PSMG2: variants seen among roughly 807,000 people sequenced by gnomAD.
The protein encoded by PSMG2 is CD40 ligand-activated specific transcript 3.
Under a neutral mutation model 31.5 loss-of-function variants are expected in PSMG2, and 21 were observed. The ratio of observed to expected loss-of-function variants is 0.67; its 90% confidence interval spans 0.47 to 0.96. The LOEUF (loss-of-function observed/expected upper bound fraction) is 0.96, where lower values mean the gene tolerates loss of function less well. PSMG2 is among the 40% of genes least tolerant of loss of function. The pLI, the probability that PSMG2 is intolerant of heterozygous loss-of-function variation, is 0.00. For synonymous variants in PSMG2, 120 were observed against 110.4 expected, an observed-to-expected ratio of 1.09 and a Z score of -0.54; for missense variants, 318 against 321.2, an observed-to-expected ratio of 0.99 and a Z score of 0.08.
chr18:12,706,753 T>C, intron 2 of PSMG2, 32 bp downstream of exon 2: 2 of 1,552,596 alleles, frequency 1.3e-6, no homozygotes, highest in Non-Finnish European at 1.7e-6. Flanking sequence ...ATTTTTCCAC[T>C]ACAAAGTAGA....
upstream of PSMG2, chr18:12,702,968 G>A: frequency 1.1e-6 from 1 of 934,872 alleles, no homozygotes; most frequent in Non-Finnish European, 1.5e-6. Context: ...AGCTGGACGG[G>A]CCTCAAGGGC....
In PSMG2 at chr18:12,719,886, G is replaced by A. The variant is rs531200628; in HGVS notation, c.408-624G>A. 6.7e-5 allele frequency among the ~76,000 whole-genome samples: 10 copies of A among 150,308 alleles called. No individual in the cohort carries two copies. In the South Asian group the frequency reaches 1.7e-3, roughly 25 times the overall value. On this transcript the variant is annotated intron_variant, in intron 4 of 6. Transcript: ENST00000317615. ...CTACAGGCGCATGCCACCACACCCG[G>A]CTAATTTTTTGTGTTTTTAGTAGAG... is the stretch of plus-strand genomic sequence containing the variant.
At chr18:12,671,908 C>CT (rs1954221928) in intron 1 of PSMG2, among the ~76,000 whole-genome samples, 1 of 152,122 alleles carries the variant, frequency 6.6e-6, no homozygotes, top group South Asian at 2.1e-4. Context: ...ACAACCTCCG[C>CT]CTCCCAGGTT....
In PSMG2 at chr18:12,706,623, T is replaced by C; in HGVS notation, c.131T>C (p.Ile44Thr). The change falls in exon 2 of 7, where the codon ATT becomes ACT. Residue 44 changes from isoleucine (I) to threonine (T), a missense_variant. Coordinates refer to ENST00000317615, the MANE Select transcript of PSMG2 (RefSeq NM_020232.5). ...LIISTLNMSK[I>T]GYFYTDCLVP... ...ATTTCTACACTGAATATGTCTAAGATTGGTTACTTCTATACCGATTGTCTT... is the reference window on the plus strand; with the variant it reads ...ATTTCTACACTGAATATGTCTAAGACTGGTTACTTCTATACCGATTGTCTT... The C allele has an allele frequency of 6.2e-7, 1 of 1,614,182 alleles. No homozygotes were observed. Among genetic ancestry groups the C allele is most frequent in the Non-Finnish European group, 8.5e-7 (1 of 1,180,012 alleles).
intron 1 of PSMG2, chr18:12,671,226 G>C (rs975458999): frequency 6.6e-6 from 1 of 152,040 alleles, no homozygotes; most frequent in African/African-American, 2.4e-5. Context: ...TTATAGGTGT[G>C]AGCCATCACA....
chr18:12,701,066 C>A, upstream of PSMG2: 1 of 1,613,554 alleles, frequency 6.2e-7, no homozygotes, highest in Non-Finnish European at 8.5e-7. Context: ...CCAATTCTTC[C>A]CGTATAGTCT....
intron 5 of PSMG2, among the ~76,000 whole-genome samples, chr18:12,721,427 T>TA (rs1431502083): frequency 6.6e-6 from 1 of 152,220 alleles, no homozygotes; most frequent in African/African-American, 2.4e-5. Flanking sequence ...TAACTATATT[T>TA]AAGCGTACAA....
intron 3 of PSMG2, among the ~76,000 whole-genome samples, chr18:12,716,865 T>G (rs1319515223): frequency 6.6e-6 from 1 of 151,948 alleles, no homozygotes; most frequent in Non-Finnish European, 1.5e-5. Context: ...GATTAAGCAA[T>G]TGCCTGACAC....
chr18:12,666,523 C>T (rs2038807261), intron 1 of PSMG2, among the ~76,000 whole-genome samples: 1 of 149,314 alleles, frequency 6.7e-6, no homozygotes, highest in African/African-American at 2.5e-5. Context: ...ACTGAAGCCT[C>T]CTAACGTCCC....
intron 2 of PSMG2, among the ~76,000 whole-genome samples, chr18:12,711,726 T>C (rs989122935): frequency 6.0e-5 from 9 of 149,338 alleles, no homozygotes; most frequent in Non-Finnish European, 1.0e-4. Flanking sequence ...GAGTATTTTA[T>C]CCCTGACTCA....
intron 1 of PSMG2, among the ~76,000 whole-genome samples, chr18:12,671,313 T>G (rs1361181414): frequency 6.6e-6 from 1 of 152,062 alleles, no homozygotes; most frequent in East Asian, 1.9e-4. Context: ...TTTGTAGGGG[T>G]GAATTAAAGT....
chr18:12,703,098 C>A lies in PSMG2; in HGVS notation c.-10C>A, dbSNP rs759928842. ...CGCGGTTAGTCCCTGCTGGCCACCC[C>A]ACTGCGACCATGTTCGTTCCCTGCG... is the stretch of plus-strand genomic sequence containing the variant. On this transcript the variant is annotated 5_prime_UTR_variant, in exon 1 of 7. Coordinates refer to ENST00000317615, the MANE Select transcript of PSMG2 (RefSeq NM_020232.5). The A allele has an allele frequency of 1.2e-6, 2 of 1,611,860 alleles. No homozygotes were observed. Among genetic ancestry groups the A allele is most frequent in the Admixed American group, 1.7e-5 (1 of 59,812 alleles).
chr18:12,674,190 A>G (rs1388675039), intron 1 of PSMG2, among the ~76,000 whole-genome samples: 1 of 151,774 alleles, frequency 6.6e-6, no homozygotes, highest in Non-Finnish European at 1.5e-5. Context: ...TAATCCCAGC[A>G]ATTTGGGAGG....
chr18:12,719,244 T>A (rs2040406726), intron 4 of PSMG2, among the ~76,000 whole-genome samples: 2 of 152,018 alleles, frequency 1.3e-5, no homozygotes, highest in Non-Finnish European at 2.9e-5. Context: ...AGAAATCCAC[T>A]TGCCTAAAGG....
At chr18:12,671,709 C>T (rs1187377548) in intron 1 of PSMG2, among the ~76,000 whole-genome samples, 3 of 139,018 alleles carry the variant, frequency 2.2e-5, no homozygotes, top group Non-Finnish European at 4.5e-5. Context: ...AATGCAGTGA[C>T]GCGATCTTAG....
At chr18:12,701,444 T>G (rs114355824), upstream of PSMG2, among the ~76,000 whole-genome samples, 1,345 of 152,292 alleles carry the variant, frequency 8.8e-3, 28 homozygotes, top group African/African-American at 0.03. Flanking sequence ...TTGATCTGCC[T>G]AATGATAAGG....
chr18:12,671,271 G>A (rs376258217), intron 1 of PSMG2: 3 of 152,050 alleles, frequency 2.0e-5, no homozygotes, highest in Non-Finnish European at 1.5e-5. Context: ...GACACTTTTA[G>A]ATTTTAATTT....
intron 6 of PSMG2, among the ~76,000 whole-genome samples, 181 bp from the exon 7 acceptor site, chr18:12,725,258 C>G (rs1382173712): frequency 6.6e-6 from 1 of 151,980 alleles, no homozygotes; most frequent in Non-Finnish European, 1.5e-5. Flanking sequence ...TAATTTGGAA[C>G]TTAAAGAAAT....
intron 3 of PSMG2, 123 bp from the exon 4 acceptor site, chr18:12,718,394 A>AT (rs1223022770): frequency 6.2e-6 from 3 of 483,986 alleles, no homozygotes; most frequent in African/African-American, 5.8e-5. Flanking sequence ...TCTGAAAATA[A>AT]TTTCAGTATA....
Sources: allele counts gnomAD v4.1 joint callset (sites outside exome capture counted in the v4.1 genomes callset), GRCh38; gene constraint gnomAD v4.1.1; transcripts MANE v1.5; gene names NCBI Gene and HGNC (gene_info 2026-07-23, HGNC 2026-07-21).